The following DLGAP1 variants were observed in gnomAD, a reference collection of about 807,000 sequenced individuals.
DLGAP1 encodes the protein DLG associated protein 1, also known as disks large-associated protein 1.
DLGAP1 carries 11 observed loss-of-function variants against 90.8 expected under a neutral mutation model. The observed-to-expected ratio is 0.12, with a 90% confidence interval of 0.08 to 0.20. The LOEUF (loss-of-function observed/expected upper bound fraction) is 0.20. DLGAP1 is among the 10% of genes least tolerant of loss of function. The probability of loss-of-function intolerance (pLI) is 1.00; values close to 1 mark genes in which losing one functional copy is unlikely to be tolerated. For synonymous variants in DLGAP1, 558 were observed against 540.7 expected, an observed-to-expected ratio of 1.03 and a Z score of -0.44; for missense variants, 1,050 against 1,333.8, an observed-to-expected ratio of 0.79 and a Z score of 3.31.
intron 7 of DLGAP1, among the ~76,000 whole-genome samples, chr18:3,624,431 G>A (rs764872922): frequency 2.6e-5 from 4 of 152,156 alleles, no homozygotes; most frequent in African/African-American, 4.8e-5. Flanking sequence ...CTCACCTACC[G>A]CATGACGACT....
intron 4 of DLGAP1, among the ~76,000 whole-genome samples, chr18:3,844,038 C>G (rs1276734440): frequency 6.6e-6 from 1 of 152,114 alleles, no homozygotes; most frequent in Non-Finnish European, 1.5e-5. Context: ...TCTTCTTTAT[C>G]TATAAAAGTC....
At chr18:4,114,594 CT>C (rs2076030366) in intron 2 of DLGAP1, among the ~76,000 whole-genome samples, 1 of 151,922 alleles carries the variant, frequency 6.6e-6, no homozygotes, top group South Asian at 2.1e-4. Context: ...ATTTAGATGT[CT>C]TTTATTTCTT....
At chr18:3,881,796 C>T (rs1353224080) in intron 3 of DLGAP1, among the ~76,000 whole-genome samples, 1 of 152,120 alleles carries the variant, frequency 6.6e-6, no homozygotes, top group African/African-American at 2.4e-5. Context: ...GCCTGTAGTC[C>T]CAGCTACTCG....
chr18:4,015,935 G>T (rs1277905885), intron 2 of DLGAP1, among the ~76,000 whole-genome samples: 2 of 152,122 alleles, frequency 1.3e-5, no homozygotes, highest in Non-Finnish European at 2.9e-5. Flanking sequence ...ATATATAAAG[G>T]TAAACAAATA....
chr18:3,738,941 C>A (rs1598522499), intron 6 of DLGAP1, among the ~76,000 whole-genome samples: 5 of 146,640 alleles, frequency 3.4e-5, no homozygotes, highest in Non-Finnish European at 7.6e-5. Flanking sequence ...AAAAAACAAA[C>A]AACCCCATCA....
chr18:3,794,949 T>C (rs2065912031), intron 5 of DLGAP1, among the ~76,000 whole-genome samples: 1 of 152,212 alleles, frequency 6.6e-6, no homozygotes, highest in Non-Finnish European at 1.5e-5. Flanking sequence ...AGGCATTCAT[T>C]CCTGTGTGAT....
chr18:4,041,200 T>G lies in DLGAP1; in HGVS notation c.-158-35999A>C, dbSNP rs1250667378. 2.0e-5 allele frequency among the ~76,000 whole-genome samples: 3 copies of G among 152,358 alleles called. No individual in the cohort carries two copies. The East Asian group carries it at 5.8e-4, about 29-fold the overall frequency. Reference sequence around the variant, plus strand: ...GAAATCTGGTTTTGCAATGCAATAGTGGGGAGATGTCAATGTAAAATATGT... The same window carrying G: ...GAAATCTGGTTTTGCAATGCAATAGGGGGGAGATGTCAATGTAAAATATGT... On this transcript the variant is annotated intron_variant, in intron 2 of 12. Coordinates refer to ENST00000315677, the MANE Select transcript of DLGAP1 (RefSeq NM_004746.4).
At chr18:4,387,436 T>C (rs2082252877) in intron 1 of DLGAP1, among the ~76,000 whole-genome samples, 1 of 152,226 alleles carries the variant, frequency 6.6e-6, no homozygotes, top group South Asian at 2.1e-4. Flanking sequence ...GTGATGGAAG[T>C]ATATTGTTTA....
intron 1 of DLGAP1, among the ~76,000 whole-genome samples, chr18:4,351,005 T>G (rs1327199059): frequency 1.3e-5 from 2 of 152,152 alleles, no homozygotes; most frequent in South Asian, 4.1e-4. Flanking sequence ...AGAAGATTCA[T>G]TTCTTTAGGA....
chr18:3,787,592 T>A (rs1377010890), intron 5 of DLGAP1, among the ~76,000 whole-genome samples: 1 of 151,600 alleles, frequency 6.6e-6, no homozygotes, highest in Admixed American at 6.6e-5. Context: ...TTAACTAAGA[T>A]GAGTCATACG....
Position 4,432,007 on chromosome 18 carries a change from T to C in DLGAP1, c.-267+22999A>G, listed in dbSNP as rs561461553. Among the ~76,000 whole-genome samples the C allele has an allele frequency of 3.3e-5, 5 of 152,378 alleles. No homozygotes were observed. In the East Asian group the frequency reaches 9.6e-4, roughly 29 times the overall value. ...AATGTCTTATCAAATAATTTGCTGA[T>C]TGTATAGATACAACTTCCGTTTTTT... is the stretch of plus-strand genomic sequence containing the variant. On this transcript the variant is annotated intron_variant, in intron 1 of 12. Coordinates refer to ENST00000315677, the MANE Select transcript of DLGAP1 (RefSeq NM_004746.4).
chr18:3,614,972 A>T (rs977815674), intron 7 of DLGAP1, among the ~76,000 whole-genome samples: 1 of 147,338 alleles, frequency 6.8e-6, no homozygotes, highest in Non-Finnish European at 1.5e-5. Context: ...CCCAGGTTGG[A>T]GTGCAATGGC....
At chr18:3,708,440 G>A in intron 7 of DLGAP1, 1 of 456,654 alleles carries the variant, frequency 2.2e-6, no homozygotes, top group South Asian at 1.5e-5. Context: ...GTGGTATCAG[G>A]GGTGGAGGAG....
intron 1 of DLGAP1, among the ~76,000 whole-genome samples, chr18:4,340,208 C>T (rs1467189801): frequency 6.6e-6 from 1 of 151,996 alleles, no homozygotes; most frequent in Non-Finnish European, 1.5e-5. Context: ...GTTATATGAA[C>T]ACAAGCACTG....
At chr18:4,354,580 A>C (rs1024233693) in intron 1 of DLGAP1, among the ~76,000 whole-genome samples, 4 of 152,148 alleles carry the variant, frequency 2.6e-5, no homozygotes, top group African/African-American at 4.8e-5. Context: ...ACCTTTGATT[A>C]AATGAATTTG....
At chr18:4,336,928 G>A (rs1408769424) in intron 1 of DLGAP1, among the ~76,000 whole-genome samples, 8 of 118,534 alleles carry the variant, frequency 6.7e-5, no homozygotes, top group South Asian at 3.1e-4. Flanking sequence ...GTGAAACCCC[G>A]TCTCTACTGA....
intron 7 of DLGAP1, among the ~76,000 whole-genome samples, chr18:3,663,745 C>T (rs534615215): frequency 1.3e-5 from 2 of 152,326 alleles, no homozygotes; most frequent in East Asian, 3.9e-4. Flanking sequence ...GTGAATAATG[C>T]TGTCTTGGAC....
intron 1 of DLGAP1, among the ~76,000 whole-genome samples, chr18:4,225,610 A>C (rs913907490): frequency 4.7e-5 from 7 of 149,970 alleles, no homozygotes; most frequent in African/African-American, 1.5e-4. Context: ...AAAATACTTA[A>C]ATTATTAAAA....
chr18:4,236,717 T>C (rs2078424270), intron 1 of DLGAP1, among the ~76,000 whole-genome samples: 1 of 151,896 alleles, frequency 6.6e-6, no homozygotes, highest in Non-Finnish European at 1.5e-5. Flanking sequence ...AGGTGGCTTC[T>C]ACTAGATAAA....
Sources: allele counts gnomAD v4.1 joint callset (sites outside exome capture counted in the v4.1 genomes callset), GRCh38; gene constraint gnomAD v4.1.1; transcripts MANE v1.5; gene names NCBI Gene and HGNC (gene_info 2026-07-23, HGNC 2026-07-21).